CCDC68: variants seen among roughly 807,000 people sequenced by gnomAD.
CCDC68 encodes coiled-coil domain-containing protein 68.
A neutral mutation model predicts 47.1 loss-of-function variants in CCDC68; 45 were observed. That is an observed-to-expected ratio of 0.96 (90% CI 0.75 to 1.23). The LOEUF is 1.23. Ranked by LOEUF, CCDC68 falls within the 50% of genes most tolerant of loss-of-function variation. The pLI, the probability that CCDC68 is intolerant of heterozygous loss-of-function variation, is 0.00. For synonymous variants in CCDC68, 131 were observed against 129.5 expected (o/e 1.01, Z -0.08); for missense variants, 353 against 373.6 (o/e 0.94, Z 0.45).
At chr18:54,927,856 G>A (rs2044170901) in intron 8 of CCDC68, among the ~76,000 whole-genome samples, 1 of 152,192 alleles carries the variant, frequency 6.6e-6, no homozygotes, top group Non-Finnish European at 1.5e-5. Flanking sequence ...AAGCCAGGCA[G>A]AAGGTACAAC....
intron 9 of CCDC68, 66 bp downstream of exon 9, chr18:54,919,205 A>G (rs2044009042): frequency 1.5e-5 from 18 of 1,227,860 alleles, no homozygotes; most frequent in Non-Finnish European, 2.2e-5. Context: ...CAGTCAAGCC[A>G]CTCGTATTTG....
chr18:54,913,858 T>C (rs1047715998), intron 10 of CCDC68, among the ~76,000 whole-genome samples: 3 of 152,096 alleles, frequency 2.0e-5, no homozygotes, highest in African/African-American at 4.8e-5. Flanking sequence ...TAAAATAAAT[T>C]GAATCACTAT....
chr18:54,908,544 A>G (rs1914147054), intron 10 of CCDC68, among the ~76,000 whole-genome samples: 1 of 152,224 alleles, frequency 6.6e-6, no homozygotes, highest in Non-Finnish European at 1.5e-5. Flanking sequence ...CTCACTGGTT[A>G]CATGACCTCA....
chr18:54,935,181 A>G (rs1160202379), intron 6 of CCDC68, among the ~76,000 whole-genome samples: 1 of 152,220 alleles, frequency 6.6e-6, no homozygotes, highest in Non-Finnish European at 1.5e-5. Flanking sequence ...TCCATTTGTT[A>G]CCATAAAGCA....
At position 54,949,463 on chromosome 18, in the gene CCDC68, C is replaced by A. The variant is rs1008949879; in HGVS notation, c.-102-3986G>T. 3.9e-5 allele frequency among the ~76,000 whole-genome samples: 6 copies of A among 152,300 alleles called. No individual in the cohort carries two copies. In the South Asian group the frequency reaches 1.0e-3, roughly 26 times the overall value. Reference sequence around the variant, plus strand: ...AAAACAGGTCTAGCAGTGGCTATTACGGATCCCCCAGGATTGAGGCAAAGA... The same window carrying A: ...AAAACAGGTCTAGCAGTGGCTATTAAGGATCCCCCAGGATTGAGGCAAAGA... On this transcript the variant is annotated intron_variant, in intron 1 of 11. Coordinates refer to ENST00000591504, the MANE Select transcript of CCDC68 (RefSeq NM_025214.3).
rs183192840 is a variant in CCDC68 at position 54,921,829 on chromosome 18, A to C, written c.684-2453T>G. On this transcript the variant is annotated intron_variant, in intron 8 of 11. Coordinates refer to ENST00000591504, the MANE Select transcript of CCDC68 (RefSeq NM_025214.3). Reference sequence around the variant, plus strand: ...CAATGCAGGCTGAAGGAAGATCACTAACTAGTTCAGCTGTGCCAATATTTT... The same window carrying C: ...CAATGCAGGCTGAAGGAAGATCACTCACTAGTTCAGCTGTGCCAATATTTT... Among the ~76,000 whole-genome samples, 210 of 152,348 alleles carry C rather than the reference A, an allele frequency of 1.4e-3. 1 individual carries two copies. Among genetic ancestry groups the C allele is most frequent in the Non-Finnish European group, 2.6e-3 (180 of 68,030 alleles).
At chr18:54,946,004 T>C (rs1414211797) in intron 1 of CCDC68, among the ~76,000 whole-genome samples, 1 of 152,150 alleles carries the variant, frequency 6.6e-6, no homozygotes, top group Non-Finnish European at 1.5e-5. Flanking sequence ...GAGCTAAGAA[T>C]GGTTCTTACA....
chr18:54,950,068 G>A (rs1187323412), intron 1 of CCDC68, among the ~76,000 whole-genome samples: 1 of 151,992 alleles, frequency 6.6e-6, no homozygotes, highest in Non-Finnish European at 1.5e-5. Flanking sequence ...CATCAATTCC[G>A]GTAGCTGCTC....
At chr18:54,917,852 C>G in intron 10 of CCDC68, 61 bp downstream of exon 10, 2 of 724,168 alleles carry the variant, frequency 2.8e-6, no homozygotes, top group Non-Finnish European at 4.6e-6. Flanking sequence ...CACACACACA[C>G]ACACACACAC....
chr18:54,908,472 C>T (rs1352147532), intron 10 of CCDC68, among the ~76,000 whole-genome samples: 1 of 152,166 alleles, frequency 6.6e-6, no homozygotes, highest in Non-Finnish European at 1.5e-5. Flanking sequence ...GGAGTTCATG[C>T]AACAGCTAAG....
intron 8 of CCDC68, among the ~76,000 whole-genome samples, chr18:54,921,270 T>C (rs2044055668): frequency 6.6e-6 from 1 of 152,076 alleles, no homozygotes; most frequent in Non-Finnish European, 1.5e-5. Context: ...ACAGATTCAA[T>C]AGTAGCCCAA....
intron 1 of CCDC68, among the ~76,000 whole-genome samples, chr18:54,950,449 T>C (rs1434555815): frequency 1.6e-5 from 2 of 129,024 alleles, no homozygotes; most frequent in African/African-American, 3.0e-5. Flanking sequence ...CTCAGGTGAC[T>C]GTGCAGTTTA....
In CCDC68 at chr18:54,916,429, T is replaced by A. The variant is rs143683696; in HGVS notation, c.873+1484A>T. 1.4e-3 allele frequency among the ~76,000 whole-genome samples: 214 copies of A among 152,232 alleles called. No individual in the cohort carries two copies. The South Asian group carries it at 0.015, about 11-fold the overall frequency. On this transcript the variant is annotated intron_variant, in intron 10 of 11. Transcript: ENST00000591504. ...AGAAAGAACATGATAGTGGAAGGAA[T>A]AATTCCAAAAGAGGATAAGGCCTCC...
chr18:54,941,790 A>G (rs1248266510), intron 3 of CCDC68, among the ~76,000 whole-genome samples: 1 of 152,030 alleles, frequency 6.6e-6, no homozygotes, highest in Non-Finnish European at 1.5e-5. Flanking sequence ...ACATTATTTT[A>G]TTTTTTATTA....
intron 11 of CCDC68, among the ~76,000 whole-genome samples, chr18:54,907,012 G>C (rs1212305660): frequency 6.6e-6 from 1 of 152,206 alleles, no homozygotes; most frequent in Non-Finnish European, 1.5e-5. Context: ...CTGAAGAGAC[G>C]TTTAGAAAAT....
chr18:54,936,697 A>G (rs1483308787), intron 6 of CCDC68, 136 bp downstream of exon 6: 1 of 1,062,434 alleles, frequency 9.4e-7, no homozygotes, highest in East Asian at 2.4e-5. Context: ...AGAGACAAGC[A>G]CACCGCTTCT....
chr18:54,932,338 C>T (rs1287913160), intron 7 of CCDC68, among the ~76,000 whole-genome samples: 2 of 151,888 alleles, frequency 1.3e-5, no homozygotes, highest in Admixed American at 1.3e-4. Context: ...GCACATGCTA[C>T]CATGCCCAGC....
intron 4 of CCDC68, among the ~76,000 whole-genome samples, chr18:54,940,280 A>G (rs1449507989): frequency 2.6e-5 from 4 of 152,214 alleles, no homozygotes; most frequent in Non-Finnish European, 5.9e-5. Context: ...TTGGAGGTCT[A>G]ACAGGCAGCT....
chr18:54,906,389 A>G (rs1425822278), intron 11 of CCDC68, among the ~76,000 whole-genome samples: 1 of 152,188 alleles, frequency 6.6e-6, no homozygotes, highest in Non-Finnish European at 1.5e-5. Context: ...ATACTAATTA[A>G]TAGCTGTAGC....
Sources: gnomAD v4.1 joint callset for allele counts (sites outside exome capture counted in the v4.1 genomes callset) on GRCh38, gnomAD v4.1.1 for gene constraint, MANE v1.5 for transcripts, NCBI Gene and HGNC (gene_info 2026-07-23, HGNC 2026-07-21) for gene names.